Variants in KIF1B observed in about 807,000 individuals in gnomAD.
KIF1B encodes kinesin family member 1B.
Under a neutral mutation model 241.9 loss-of-function variants are expected in KIF1B, and 76 were observed. That is an observed-to-expected ratio of 0.31 (90% CI 0.26 to 0.38). The LOEUF is 0.38. KIF1B is among the 10% of genes least tolerant of loss of function. The pLI is 1.00. For missense variants in KIF1B, 1,622 were observed against 2,271.4 expected, an observed-to-expected ratio of 0.71 and a Z score of 5.81; for synonymous variants, 750 against 796.7, an observed-to-expected ratio of 0.94 and a Z score of 0.99.
At position 10,365,708 on chromosome 1, in the gene KIF1B, C is replaced by T. The variant is rs930364988; in HGVS notation, c.4752+60C>T. On this transcript the variant is annotated intron_variant, in intron 43 of 48. Coordinates refer to ENST00000676179, the MANE Select transcript of KIF1B (RefSeq NM_001365951.3). This position sits in a 1 kb window ranked among gnomAD's most constrained non-coding sequence, Gnocchi z 4.0. ...CACAAGGCTCCACAAACTAGCCTCT[C>T]GGTTTATTCATTTTCAACACCTTTG... 2.2e-5 allele frequency: 36 copies of T among 1,607,662 alleles called. No homozygotes were observed. The highest frequency in any genetic ancestry group is 4.4e-5 in the South Asian group (4 of 90,812).
At chr1:10,343,330 A>G (rs746230871) in intron 34 of KIF1B, 43 bp downstream of exon 34, 1 of 1,571,698 alleles carries the variant, frequency 6.4e-7, no homozygotes, top group Admixed American at 1.7e-5. Flanking sequence ...CTCTTTGTGA[A>G]TACATGTCTT....
chr1:10,360,294 G>A (rs1386538415), intron 38 of KIF1B, among the ~76,000 whole-genome samples: 1 of 152,054 alleles, frequency 6.6e-6, no homozygotes, highest in Admixed American at 6.6e-5. Context: ...TTCAGTTTCT[G>A]TCCATACTCA....
At chr1:10,245,317 ACTT>A (rs1257541417) in intron 2 of KIF1B, among the ~76,000 whole-genome samples, 1 of 152,176 alleles carries the variant, frequency 6.6e-6, no homozygotes, top group African/African-American at 2.4e-5. Context: ...TTAACTTGAA[ACTT>A]CTTCAAGAAA....
intron 2 of KIF1B, among the ~76,000 whole-genome samples, chr1:10,238,663 T>TC (rs1365004257): frequency 6.6e-6 from 1 of 151,584 alleles, no homozygotes; most frequent in Non-Finnish European, 1.5e-5. Context: ...GAAGCTTGTG[T>TC]CGCTGCACTC....
At chr1:10,330,399 A>G (rs1320847601) in intron 27 of KIF1B, among the ~76,000 whole-genome samples, 1 of 152,182 alleles carries the variant, frequency 6.6e-6, no homozygotes, top group South Asian at 2.1e-4. Flanking sequence ...AGCCATTGCC[A>G]TAGGCAGAAA....
chr1:10,355,686 A>T (rs1043475521), intron 38 of KIF1B, among the ~76,000 whole-genome samples: 1 of 152,262 alleles, frequency 6.6e-6, no homozygotes, highest in Middle Eastern at 3.4e-3. Context: ...CCTTCATTTC[A>T]TACAGAATCT....
intron 41 of KIF1B, among the ~76,000 whole-genome samples, chr1:10,364,794 C>G (rs1034014906): frequency 6.6e-6 from 1 of 151,692 alleles, no homozygotes; most frequent in Non-Finnish European, 1.5e-5. Context: ...ATCACGAGGT[C>G]AGGAGATCGA....
chr1:10,362,540 C>T (rs1043818152), intron 40 of KIF1B, among the ~76,000 whole-genome samples: 8 of 148,824 alleles, frequency 5.4e-5, no homozygotes, highest in African/African-American at 2.0e-4. Flanking sequence ...ACAATGAATA[C>T]CTGTGTATCA....
At chr1:10,247,597 T>C (rs2102162962) in intron 2 of KIF1B, among the ~76,000 whole-genome samples, 1 of 152,320 alleles carries the variant, frequency 6.6e-6, no homozygotes, top group South Asian at 2.1e-4. Flanking sequence ...TGCTAGGCCT[T>C]GAGCCAAAAT....
chr1:10,309,399 A>G (rs1036240845), intron 22 of KIF1B, among the ~76,000 whole-genome samples: 2 of 152,188 alleles, frequency 1.3e-5, no homozygotes, highest in African/African-American at 4.8e-5. Flanking sequence ...TGATATGTGT[A>G]GTGACACTGT....
intron 48 of KIF1B, 69 bp from the exon 49 acceptor site, chr1:10,376,476 G>A (rs1638891728): frequency 6.8e-7 from 1 of 1,473,742 alleles, no homozygotes; most frequent in Non-Finnish European, 9.5e-7. Context: ...GCCTCAGAGG[G>A]AGAGGACTGT....
At chr1:10,358,757 G>A (rs7546364) in intron 38 of KIF1B, among the ~76,000 whole-genome samples, 53,971 of 151,208 alleles carry the variant, frequency 0.36, 9,747 homozygotes, top group Admixed American at 0.39. Context: ...AGCAGTGGAT[G>A]TCGTCACCCA....
In KIF1B at chr1:10,365,382, C is replaced by T; in HGVS notation, c.4513-27C>T. The T allele has an allele frequency of 6.8e-6, 11 of 1,614,106 alleles. No homozygotes were observed. The highest frequency in any genetic ancestry group is 1.6e-4 in the Middle Eastern group (1 of 6,062). ...GAGGTCTTAACGAGCTTTGTGTTTG[C>T]TATAGCAGTAGTATTGATCTTCTCA... is the stretch of plus-strand genomic sequence containing the variant. On this transcript the variant is annotated intron_variant, in intron 42 of 48. Coordinates refer to ENST00000676179, the MANE Select transcript of KIF1B (RefSeq NM_001365951.3). The surrounding 1 kb of genome is among the most constrained non-coding windows in gnomAD (Gnocchi z 4.0).
chr1:10,214,029 G>A (rs994868775), intron 1 of KIF1B, among the ~76,000 whole-genome samples: 7 of 151,916 alleles, frequency 4.6e-5, no homozygotes, highest in African/African-American at 1.5e-4. Flanking sequence ...CTAGTGCTTC[G>A]GAGGCTGAGT....
chr1:10,273,165 T>C (rs1648894433), intron 10 of KIF1B, 134 bp downstream of exon 10: 3 of 617,356 alleles, frequency 4.9e-6, no homozygotes, highest in African/African-American at 1.9e-5. Flanking sequence ...CTCTGGAATT[T>C]AGAGTGGCTG....
intron 1 of KIF1B, among the ~76,000 whole-genome samples, chr1:10,229,497 G>A (rs1005328128): frequency 1.3e-5 from 2 of 152,112 alleles, no homozygotes; most frequent in African/African-American, 4.8e-5. Context: ...GACAGTGTGA[G>A]AGATGGACAA....
At chr1:10,308,559 T>C in intron 22 of KIF1B, 1 of 1,019,908 alleles carries the variant, frequency 9.8e-7, no homozygotes, top group Non-Finnish European at 1.2e-6. Flanking sequence ...TGTTAAAAAA[T>C]AAAGACCTCA....
intron 45 of KIF1B, among the ~76,000 whole-genome samples, chr1:10,372,947 G>A (rs1473307088): frequency 2.0e-5 from 3 of 151,530 alleles, no homozygotes; most frequent in African/African-American, 7.3e-5. Context: ...CAAAGTAGCT[G>A]GGATTACAGG....
chr1:10,314,497 G>C (rs564412026), intron 22 of KIF1B, among the ~76,000 whole-genome samples: 1 of 151,420 alleles, frequency 6.6e-6, no homozygotes, highest in South Asian at 2.1e-4. Context: ...TTGGCTCACT[G>C]CAACCTCCAC....
Sources: gnomAD v4.1 joint callset for allele counts (sites outside exome capture counted in the v4.1 genomes callset) on GRCh38, gnomAD v4.1.1 for gene constraint, Gnocchi (gnomAD v3.1) non-coding constraint, MANE v1.5 for transcripts, NCBI Gene and HGNC (gene_info 2026-07-23, HGNC 2026-07-21) for gene names.